The following ABCC3 variants were observed in gnomAD, a reference collection of about 807,000 sequenced individuals.
The protein encoded by ABCC3 is ATP-binding cassette sub-family C member 3.
ABCC3 carries 121 observed loss-of-function variants against 165.3 expected under a neutral mutation model. That is an observed-to-expected ratio of 0.73 (90% confidence interval 0.63 to 0.85). ABCC3 has a LOEUF of 0.85. Among genes scored for constraint, ABCC3 ranks in the 40% least tolerant of loss-of-function variants. ABCC3 has a pLI of 0.00. For synonymous variants in ABCC3, 733 were observed against 810.1 expected, an observed-to-expected ratio of 0.90 and a Z score of 1.62; for missense variants, 1,869 against 1,964.1, an observed-to-expected ratio of 0.95 and a Z score of 0.92.
At chr17:50,643,403 A>G in intron 1 of ABCC3, 2 of 388,916 alleles carry the variant, frequency 5.1e-6, no homozygotes, top group Non-Finnish European at 1.0e-5. Context: ...GGACTACTGA[A>G]TACTGAATAC....
intron 26 of ABCC3, 38 bp from the exon 27 acceptor site, chr17:50,683,572 T>C: frequency 6.6e-7 from 1 of 1,504,416 alleles, no homozygotes; most frequent in Non-Finnish European, 8.9e-7. Context: ...AGGGCTTCAC[T>C]GGGCAGCTGA....
At chr17:50,688,917 ATGG>A (rs1453213244) in intron 30 of ABCC3, among the ~76,000 whole-genome samples, 1 of 144,814 alleles carries the variant, frequency 6.9e-6, no homozygotes, top group Admixed American at 6.9e-5. Context: ...AAAAAAAAAA[ATGG>A]TGGCCAACGC....
In ABCC3 at chr17:50,634,911, C is replaced by G; in HGVS notation, c.-26C>G. The G allele has an allele frequency of 8.0e-7, 1 of 1,253,388 alleles. No individual in the cohort carries two copies. Among genetic ancestry groups the G allele is most frequent in the Non-Finnish European group, 1.0e-6 (1 of 998,094 alleles). The allele number at this position is 1,253,388 out of a possible 1,614,324, so 77.6% of individuals were successfully genotyped here. A position where few individuals can be genotyped will look rare whatever the true frequency, so the allele number is the denominator to read the frequency against. ...CGCCGCTGGGTCCGACCGCGCTCGC[C>G]TTCCTTGCAGCCGCGCCTCGGCCCC... is the stretch of plus-strand genomic sequence containing the variant. On this transcript the variant is annotated 5_prime_UTR_variant, in exon 1 of 31. Coordinates refer to ENST00000285238, the MANE Select transcript of ABCC3 (RefSeq NM_003786.4).
chr17:50,655,422 C>CAAAA lies in ABCC3; in HGVS notation c.46-408_46-405dup, dbSNP rs1167212650. Reference sequence around the variant, plus strand: ...TCTGTCTCAAAAAAAAAAAAAAAAACAAAAACAAAAAAAAAAGAGTGGGAA... The same window carrying CAAAA: ...TCTGTCTCAAAAAAAAAAAAAAAAACAAAAAAAAACAAAAAAAAAAGAGTGGGAA... On this transcript the variant is annotated intron_variant, in intron 1 of 30. Transcript: ENST00000285238. Among the ~76,000 whole-genome samples, 28 of 113,944 alleles carry CAAAA rather than the reference C, an allele frequency of 2.5e-4. No homozygotes were observed. The South Asian group carries it at 2.7e-3, about 11-fold the overall frequency. The allele number at this position is 113,944 out of a possible 152,430, so 74.8% of individuals were successfully genotyped here.
chr17:50,675,340 C>G (rs1163548881), intron 19 of ABCC3, 22 bp from the exon 20 acceptor site: 1 of 1,580,394 alleles, frequency 6.3e-7, no homozygotes, highest in Admixed American at 1.7e-5. Flanking sequence ...AACCCTATCT[C>G]CTTCCTCCCA....
At chr17:50,658,230 G>A (rs923894425) in intron 5 of ABCC3, 23 bp downstream of exon 5, 28 of 1,613,876 alleles carry the variant, frequency 1.7e-5, no homozygotes, top group East Asian at 4.5e-5. Flanking sequence ...TGGAGGGTGC[G>A]GGGGCTCCAC....
chr17:50,650,442 A>G (rs527631458), intron 1 of ABCC3, among the ~76,000 whole-genome samples: 1 of 152,130 alleles, frequency 6.6e-6, no homozygotes, highest in African/African-American at 2.4e-5. Context: ...GTAAATAATT[A>G]CCTCCTAATC....
chr17:50,661,918 G>A (rs1597850237), intron 8 of ABCC3, among the ~76,000 whole-genome samples: 1 of 152,164 alleles, frequency 6.6e-6, no homozygotes, highest in African/African-American at 2.4e-5. Flanking sequence ...GAAGAAACAG[G>A]GGAAAGTTCA....
In ABCC3 at chr17:50,657,113, T is replaced by G; in HGVS notation, c.416T>G (p.Ile139Ser). 1 of 1,614,164 alleles carries G rather than the reference T, an allele frequency of 6.2e-7. No individual in the cohort carries two copies. Among genetic ancestry groups the G allele is most frequent in the Non-Finnish European group, 8.5e-7 (1 of 1,180,026 alleles). Residue 139 changes from isoleucine to serine, a missense_variant, in exon 4 of 31, where the codon ATC (isoleucine) becomes AGC (serine). Ile to Ser is a moderately radical substitution (Grantham distance 142, BLOSUM62 -2). Transcript: ENST00000285238. ...QGVQSSGVLI[I>S]FWFLCVVCAI... ...GTACAGTCTTCGGGGGTCCTCATTA[T>G]CTTCTGGTTCCTGTGTGTGGTCTGC...
chr17:50,690,256 C>T (rs940856520), intron 30 of ABCC3, among the ~76,000 whole-genome samples: 3 of 150,470 alleles, frequency 2.0e-5, no homozygotes, highest in Non-Finnish European at 4.4e-5. Flanking sequence ...CTTTGAGGAC[C>T]ATGGGAGAGC....
At chr17:50,685,831 T>C (rs534061474) in intron 29 of ABCC3, among the ~76,000 whole-genome samples, 1 of 152,218 alleles carries the variant, frequency 6.6e-6, no homozygotes, top group East Asian at 1.9e-4. Context: ...CATCTTCTCC[T>C]CCTCCTCCTC....
Position 50,683,978 on chromosome 17 carries a change from C to G in ABCC3, c.3984C>G (p.Gly1328=). Residue 1328 remains glycine (G), a synonymous_variant, in exon 28 of 31, where the codon GGC becomes GGG. Transcript: ENST00000285238. Reference sequence around the variant, plus strand: ...GGATCGTGGGCCGCACTGGGGCTGGCAAGTCTTCCATGACCCTTTGCCTGT... The same window carrying G: ...GGATCGTGGGCCGCACTGGGGCTGGGAAGTCTTCCATGACCCTTTGCCTGT... ...KVGIVGRTGA[G]KSSMTLCLFR... 6.2e-7 allele frequency: 1 copy of G among 1,613,474 alleles called. No individual in the cohort carries two copies. The highest frequency in any genetic ancestry group is 1.3e-5 in the African/African-American group (1 of 75,006).
Position 50,655,904 on chromosome 17 carries a change from G to A in ABCC3, c.118G>A (p.Val40Met). The A allele has an allele frequency of 6.2e-7, 1 of 1,613,942 alleles. No individual in the cohort carries two copies. The highest frequency in any genetic ancestry group is 1.1e-5 in the South Asian group (1 of 91,078). ...PCFQNSLLAWVPCIYLWVALP... is the reference protein window; with the variant it reads ...PCFQNSLLAWMPCIYLWVALP... The stretch of plus-strand genomic sequence containing the variant: ...CTTCCAGAACTCCCTGCTGGCCTGG[G>A]TGCCCTGCATCTACCTGTGGGTCGC... Residue 40 changes from valine (V) to methionine (M), a missense_variant, in exon 2 of 31, where the codon GTG (valine) becomes ATG (methionine). Transcript: ENST00000285238.
In ABCC3 at chr17:50,665,287, G is replaced by A. The variant is rs532743547; in HGVS notation, c.1431+42G>A. 7.9e-5 allele frequency: 123 copies of A among 1,551,964 alleles called. 2 individuals carry two copies. In the South Asian group the frequency reaches 1.1e-3, roughly 14 times the overall value. ...GTGCATCCTCCTGCCTGCAGCACCC[G>A]GCCGGCTGCCTGGGGGAAGGTGTCC... On this transcript the variant is annotated intron_variant, in intron 11 of 30. Coordinates refer to ENST00000285238, the MANE Select transcript of ABCC3 (RefSeq NM_003786.4).
intron 1 of ABCC3, among the ~76,000 whole-genome samples, chr17:50,642,254 T>A (rs739922): frequency 0.41 from 62,644 of 152,102 alleles, 13,151 homozygotes; most frequent in Admixed American, 0.43. Context: ...TGTCCCATAG[T>A]TGATGTCCTA....
intron 1 of ABCC3, among the ~76,000 whole-genome samples, chr17:50,655,564 T>G (rs1967221014): frequency 1.3e-5 from 2 of 152,120 alleles, no homozygotes; most frequent in African/African-American, 2.4e-5. Context: ...ATTGTACACT[T>G]TAATTGGGTG....
Position 50,685,002 on chromosome 17 carries a change from C to A in ABCC3, c.4280+127C>A. On this transcript the variant is annotated intron_variant, in intron 29 of 30. Coordinates refer to ENST00000285238, the MANE Select transcript of ABCC3 (RefSeq NM_003786.4). ...CCGGATGTGCACAGGGCTGTCCTTT[C>A]GTATTGAGCATATTCCGTGTGCCAG... The A allele has an allele frequency of 7.6e-6, 8 of 1,055,594 alleles. No homozygotes were observed. The South Asian group carries it at 1.1e-4, about 15-fold the overall frequency. The allele number at this position is 1,055,594 out of a possible 1,614,324, so 65.4% of individuals were successfully genotyped here.
intron 19 of ABCC3, among the ~76,000 whole-genome samples, chr17:50,673,941 T>C (rs1364791556): frequency 1.2e-4 from 2 of 16,210 alleles, no homozygotes; most frequent in African/African-American, 5.6e-4. Context: ...TCTTTCTTTC[T>C]TTCTTTCTTT....
At chr17:50,678,351 G>T in intron 25 of ABCC3, 132 bp downstream of exon 25, 8 of 871,786 alleles carry the variant, frequency 9.2e-6, no homozygotes, top group Non-Finnish European at 1.1e-5. Context: ...CAAGGACTGT[G>T]AGAAAAAAAA....
Sources: allele counts gnomAD v4.1 joint callset (sites outside exome capture counted in the v4.1 genomes callset), GRCh38; gene constraint gnomAD v4.1.1; transcripts MANE v1.5; gene names NCBI Gene and HGNC (gene_info 2026-07-23, HGNC 2026-07-21).